ZNF385D: variants seen among roughly 807,000 people sequenced by gnomAD.
ZNF385D encodes the protein zinc finger protein 659.
A neutral mutation model predicts 35.8 loss-of-function variants in ZNF385D; 15 were observed. That is an observed-to-expected ratio of 0.42 (90% CI 0.28 to 0.64). The LOEUF (loss-of-function observed/expected upper bound fraction) is 0.64, where lower values mean the gene tolerates loss of function less well. ZNF385D is among the 30% of genes least tolerant of loss of function. ZNF385D has a pLI of 0.23. For missense variants in ZNF385D, 474 were observed against 494.6 expected, an observed-to-expected ratio of 0.96 and a Z score of 0.39; for synonymous variants, 212 against 186.8, an observed-to-expected ratio of 1.13 and a Z score of -1.10.
chr3:22,015,492 C>T (rs886917440), intron 3 of ZNF385D, among the ~76,000 whole-genome samples: 2 of 152,084 alleles, frequency 1.3e-5, no homozygotes, highest in African/African-American at 4.8e-5. Context: ...TCATTCATTT[C>T]CAACATTCTG....
At chr3:22,235,659 A>C (rs1314319298) in intron 2 of ZNF385D, among the ~76,000 whole-genome samples, 1 of 152,272 alleles carries the variant, frequency 6.6e-6, no homozygotes, top group Middle Eastern at 3.4e-3. Context: ...CAAACATAAA[A>C]ATATGCTCAA....
chr3:21,880,045 T>G (rs1323943846), intron 3 of ZNF385D, among the ~76,000 whole-genome samples: 1 of 151,974 alleles, frequency 6.6e-6, no homozygotes, highest in Non-Finnish European at 1.5e-5. Flanking sequence ...GTAAAAATAC[T>G]ATGGGTATGC....
At chr3:21,664,560 T>C (rs923459526) in intron 2 of ZNF385D, among the ~76,000 whole-genome samples, 52 of 152,342 alleles carry the variant, frequency 3.4e-4, no homozygotes, top group African/African-American at 1.2e-3. Context: ...GAAATTCTAA[T>C]GTTCTCTCTA....
intron 3 of ZNF385D, among the ~76,000 whole-genome samples, chr3:21,915,740 G>T (rs190707472): frequency 2.6e-5 from 4 of 152,246 alleles, no homozygotes; most frequent in African/African-American, 7.2e-5. Flanking sequence ...TCAAGGGTAG[G>T]TTGGAAATCA....
intron 3 of ZNF385D, among the ~76,000 whole-genome samples, chr3:21,831,730 T>C (rs546576156): frequency 4.6e-5 from 7 of 152,280 alleles, no homozygotes; most frequent in African/African-American, 1.7e-4. Flanking sequence ...TAAACATTCA[T>C]AGCACTCCTT....
intron 1 of ZNF385D, among the ~76,000 whole-genome samples, chr3:21,707,042 T>A (rs2067931568): frequency 6.6e-6 from 1 of 152,164 alleles, no homozygotes; most frequent in Non-Finnish European, 1.5e-5. Context: ...TAGCTTACCT[T>A]TAATAAAACC....
At chr3:22,351,375 A>G (rs1695908917) in intron 2 of ZNF385D, among the ~76,000 whole-genome samples, 1 of 152,126 alleles carries the variant, frequency 6.6e-6, no homozygotes, top group South Asian at 2.1e-4. Context: ...AGATTCTCTC[A>G]GAAATGAGCA....
intron 1 of ZNF385D, among the ~76,000 whole-genome samples, chr3:21,740,360 A>T (rs1250732613): frequency 6.6e-6 from 1 of 152,190 alleles, no homozygotes; most frequent in Non-Finnish European, 1.5e-5. Context: ...ATCTCAGGCC[A>T]CATCTCAGAC....
At chr3:21,684,377 TCTCTCTCTCTCTCTCTCTCTCTCTCTC>T (rs879605120) in intron 1 of ZNF385D, among the ~76,000 whole-genome samples, 3,205 of 89,820 alleles carry the variant, frequency 0.036, 129 homozygotes, top group South Asian at 0.078. Flanking sequence ...TCTCTCTCTC[TCTCTCTCTCTCTCTCTCTCTCTCTCTC>T]CTCTCTCTCT....
intron 3 of ZNF385D, among the ~76,000 whole-genome samples, chr3:22,094,755 T>C (rs189465775): frequency 1.3e-3 from 194 of 152,178 alleles, no homozygotes; most frequent in African/African-American, 4.3e-3. Context: ...ATGTGTGATT[T>C]TGTGTCAAAT....
chr3:22,177,663 G>A (rs139227369), intron 2 of ZNF385D, among the ~76,000 whole-genome samples: 2,559 of 152,126 alleles, frequency 0.017, 31 homozygotes, highest in Middle Eastern at 0.034. Context: ...TACATGTGCC[G>A]TGTTGGTGTG....
intron 3 of ZNF385D, among the ~76,000 whole-genome samples, chr3:22,039,186 G>T (rs1698513865): frequency 7.0e-6 from 1 of 142,630 alleles, no homozygotes; most frequent in Non-Finnish European, 1.5e-5. Flanking sequence ...TGACTGATGT[G>T]AATGATGAAT....
chr3:21,729,009 C>G (rs1022989969), intron 1 of ZNF385D, among the ~76,000 whole-genome samples: 1 of 152,144 alleles, frequency 6.6e-6, no homozygotes, highest in South Asian at 2.1e-4. Flanking sequence ...ATGCAAGGAA[C>G]CTACTAGTGA....
At chr3:21,871,349 CCTTG>C (rs1697682139) in intron 3 of ZNF385D, among the ~76,000 whole-genome samples, 1 of 152,104 alleles carries the variant, frequency 6.6e-6, no homozygotes, top group African/African-American at 2.4e-5. Flanking sequence ...ATCATTTAGA[CCTTG>C]CTTAATTCTT....
At chr3:21,545,882 A>C (rs562289813) in intron 3 of ZNF385D, among the ~76,000 whole-genome samples, 1 of 152,326 alleles carries the variant, frequency 6.6e-6, no homozygotes, top group African/African-American at 2.4e-5. Context: ...CCCAGCTCAC[A>C]GGTTTTTGAG....
intron 3 of ZNF385D, among the ~76,000 whole-genome samples, chr3:22,002,667 T>C (rs1341222286): frequency 6.6e-6 from 1 of 152,096 alleles, no homozygotes; most frequent in Non-Finnish European, 1.5e-5. Context: ...ATATCCTTAA[T>C]GAACACAGAC....
chr3:21,849,614 T>TC (rs1425406004), intron 3 of ZNF385D: 1 of 140,852 alleles, frequency 7.1e-6, no homozygotes, highest in Non-Finnish European at 1.6e-5. Context: ...TCTTTTTTTT[T>TC]TTTTTTTTTT....
chr3:22,009,269 C>T (rs1343996712), intron 3 of ZNF385D, among the ~76,000 whole-genome samples: 1 of 145,982 alleles, frequency 6.9e-6, no homozygotes, highest in Non-Finnish European at 1.5e-5. Context: ...TATCCATCAA[C>T]AGGAGAATAA....
intron 3 of ZNF385D, among the ~76,000 whole-genome samples, chr3:22,159,089 A>C (rs914849008): frequency 6.6e-6 from 1 of 151,962 alleles, no homozygotes; most frequent in African/African-American, 2.4e-5. Context: ...AAGATGAAGA[A>C]ACAAGGTAGC....
Sources: gnomAD v4.1 joint callset for allele counts (sites outside exome capture counted in the v4.1 genomes callset) on GRCh38, gnomAD v4.1.1 for gene constraint, MANE v1.5 for transcripts, NCBI Gene and HGNC (gene_info 2026-07-23, HGNC 2026-07-21) for gene names.